The following DCAF1 variants were observed in gnomAD, a reference collection of about 807,000 sequenced individuals.
DCAF1 encodes DDB1- and CUL4-associated factor 1.
DCAF1 carries 15 observed loss-of-function variants against 128.0 expected under a neutral mutation model. The observed-to-expected ratio is 0.12, with a 90% CI of 0.08 to 0.18. The LOEUF is 0.18. Among genes scored for constraint, DCAF1 ranks in the 10% least tolerant of loss-of-function variants. DCAF1 has a pLI of 1.00. For missense variants in DCAF1, 988 were observed against 1,649.5 expected, an observed-to-expected ratio of 0.60 and a Z score of 6.95; for synonymous variants, 610 against 603.0, an observed-to-expected ratio of 1.01 and a Z score of -0.17.
chr3:51,500,388 T>G (rs1553663824), upstream of DCAF1, among the ~76,000 whole-genome samples: 1 of 152,186 alleles, frequency 6.6e-6, no homozygotes, highest in East Asian at 1.9e-4. Flanking sequence ...TTCAGTGTCT[T>G]GTTCTGACCT....
At chr3:51,473,526 GA>G (rs1192682517) in intron 3 of DCAF1, among the ~76,000 whole-genome samples, 3 of 85,618 alleles carry the variant, frequency 3.5e-5, no homozygotes, top group Non-Finnish European at 7.1e-5. Flanking sequence ...CCAAAAACCA[GA>G]AAAAAAAAAC....
In DCAF1 at chr3:51,495,154, C is replaced by A. The variant is rs149289007; in HGVS notation, c.-9+1580G>T. Among the ~76,000 whole-genome samples, 663 of 150,752 alleles carry A rather than the reference C, an allele frequency of 4.4e-3. 4 individuals carry two copies. The highest frequency in any genetic ancestry group is 0.015 in the African/African-American group (631 of 40,990). On this transcript the variant is annotated intron_variant, in intron 2 of 24. Coordinates refer to ENST00000684031, the MANE Select transcript of DCAF1 (RefSeq NM_001387579.1). ...CCTGGCCAACATGATGAAACCCTGTCTCTACTAAAAATACAAAAAATTAGC... is the reference window on the plus strand; with the variant it reads ...CCTGGCCAACATGATGAAACCCTGTATCTACTAAAAATACAAAAAATTAGC...
rs1278455520 is a variant in DCAF1 at position 51,413,935 on chromosome 3, G to A, written c.3931+15C>T. On this transcript the variant is annotated intron_variant, in intron 20 of 24. Transcript: ENST00000684031. Reference sequence around the variant, plus strand: ...AGCAAAAGGAAAGAGAATAATGAAGGATAAGGTTTATTACCTCCATACATC... The same window carrying A: ...AGCAAAAGGAAAGAGAATAATGAAGAATAAGGTTTATTACCTCCATACATC... 2.0e-6 allele frequency: 3 copies of A among 1,507,134 alleles called. No homozygotes were observed. Among genetic ancestry groups the A allele is most frequent in the Non-Finnish European group, 2.7e-6 (3 of 1,124,896 alleles). 93.4% of individuals were successfully genotyped at this position (1,507,134 alleles called of 1,614,324 possible). A position where few individuals can be genotyped will look rare whatever the true frequency, so the allele number is the denominator to read the frequency against.
chr3:51,500,949 G>A (rs1386145620), upstream of DCAF1, among the ~76,000 whole-genome samples: 1 of 151,728 alleles, frequency 6.6e-6, no homozygotes, highest in Non-Finnish European at 1.5e-5. Flanking sequence ...CCAAGTAGCC[G>A]GGGCTACAGG....
At chr3:51,414,509 ATAT>A (rs1290954918) in intron 19 of DCAF1, 112 bp downstream of exon 19, 1 of 1,409,210 alleles carries the variant, frequency 7.1e-7, no homozygotes, top group Non-Finnish European at 9.5e-7. Flanking sequence ...GACAGGCACC[ATAT>A]TATTACCAGT....
chr3:51,464,838 A>G (rs1452998424), intron 5 of DCAF1, among the ~76,000 whole-genome samples: 1 of 152,194 alleles, frequency 6.6e-6, no homozygotes, highest in Non-Finnish European at 1.5e-5. Flanking sequence ...CCGGGATGTA[A>G]AAGACGAGAA....
At chr3:51,457,685 G>A (rs1703073080) in intron 6 of DCAF1, among the ~76,000 whole-genome samples, 1 of 147,036 alleles carries the variant, frequency 6.8e-6, no homozygotes, top group Non-Finnish European at 1.5e-5. Context: ...TACCCACAAA[G>A]GGAAGCCCAT....
At chr3:51,474,619 T>A (rs935421851) in intron 3 of DCAF1, among the ~76,000 whole-genome samples, 7 of 151,384 alleles carry the variant, frequency 4.6e-5, no homozygotes, top group Non-Finnish European at 8.8e-5. Context: ...TTTTTTTTTT[T>A]AATGTTTTTT....
intron 6 of DCAF1, among the ~76,000 whole-genome samples, chr3:51,462,692 G>A (rs1703733819): frequency 6.9e-6 from 1 of 144,762 alleles, no homozygotes; most frequent in African/African-American, 2.6e-5. Flanking sequence ...GTTGTAGTGA[G>A]CTGAAATTGT....
chr3:51,493,834 T>C (rs1350184063), intron 2 of DCAF1, among the ~76,000 whole-genome samples: 4 of 151,692 alleles, frequency 2.6e-5, no homozygotes, highest in African/African-American at 7.3e-5. Context: ...CCGTCTCTAC[T>C]GAAAGTACAA....
At chr3:51,407,048 C>T (rs782669269) in intron 23 of DCAF1, among the ~76,000 whole-genome samples, 3 of 148,950 alleles carry the variant, frequency 2.0e-5, no homozygotes, top group Non-Finnish European at 3.0e-5. Context: ...CAAAATTAGT[C>T]GGGTGTGGTG....
intron 3 of DCAF1, among the ~76,000 whole-genome samples, chr3:51,471,506 T>G (rs1164149833): frequency 6.6e-6 from 1 of 151,880 alleles, no homozygotes; most frequent in Admixed American, 6.6e-5. Flanking sequence ...TTATATAAAC[T>G]TTCCCTTCTT....
intron 23 of DCAF1, among the ~76,000 whole-genome samples, chr3:51,409,234 T>C (rs1219157829): frequency 6.6e-6 from 1 of 152,184 alleles, no homozygotes; most frequent in Non-Finnish European, 1.5e-5. Context: ...AAGAGGAGTA[T>C]AACTCTTAAA....
At chr3:51,461,629 A>C (rs1191901349) in intron 6 of DCAF1, among the ~76,000 whole-genome samples, 1 of 152,232 alleles carries the variant, frequency 6.6e-6, no homozygotes, top group African/African-American at 2.4e-5. Flanking sequence ...TTATTGCGGC[A>C]CTATTCACAA....
rs1203548864 is a variant in DCAF1 at position 51,441,785 on chromosome 3, A to G, written c.626T>C (p.Leu209Pro). The G allele has an allele frequency of 6.2e-7, 1 of 1,613,822 alleles. No homozygotes were observed. The highest frequency in any genetic ancestry group is 1.3e-5 in the African/African-American group (1 of 74,902). ...RKLSSEPLLP[L>P]DEEAVDMDYG... ...GTCCATATCCACAGCCTCCTCATCC[A>G]GAGGCAAAAGGGGTTCAGAAGAGAG... The change falls in exon 8 of 25, where the codon CTG becomes CCG. Residue 209 changes from leucine to proline, a missense_variant. By Grantham distance (98) the Leu-to-Pro change is moderately conservative. Coordinates refer to ENST00000684031, the MANE Select transcript of DCAF1 (RefSeq NM_001387579.1).
intron 9 of DCAF1, chr3:51,437,936 G>A (rs782587723): frequency 4.7e-6 from 1 of 212,240 alleles, no homozygotes; most frequent in Non-Finnish European, 9.7e-6. Context: ...TAACAATCCT[G>A]GAAACCCAAA....
intron 18 of DCAF1, 83 bp downstream of exon 18, chr3:51,416,704 A>G: frequency 1.3e-6 from 2 of 1,537,012 alleles, no homozygotes; most frequent in African/African-American, 1.4e-5. Flanking sequence ...CAAAGGACTT[A>G]GGTCCTCACA....
intron 23 of DCAF1, among the ~76,000 whole-genome samples, chr3:51,405,146 G>C (rs770749966): frequency 6.6e-6 from 1 of 152,124 alleles, no homozygotes; most frequent in Non-Finnish European, 1.5e-5. Context: ...TTAAGGCTTC[G>C]TGGACAGAAC....
chr3:51,401,251 G>A (rs1440393997), intron 24 of DCAF1, among the ~76,000 whole-genome samples: 2 of 152,154 alleles, frequency 1.3e-5, no homozygotes, highest in Non-Finnish European at 2.9e-5. Context: ...AAGGTACGTG[G>A]GGGCGCATGG....
Sources: allele counts gnomAD v4.1 joint callset (sites outside exome capture counted in the v4.1 genomes callset), GRCh38; gene constraint gnomAD v4.1.1; transcripts MANE v1.5; gene names NCBI Gene and HGNC (gene_info 2026-07-23, HGNC 2026-07-21).